The following MEIS2 variants were observed in gnomAD, a reference collection of about 807,000 sequenced individuals.
The protein encoded by MEIS2 is Meis homeobox 2, also known as homeobox protein Meis2.
MEIS2 carries 9 observed loss-of-function variants against 58.6 expected under a neutral mutation model. That is an observed-to-expected ratio of 0.15 (90% CI 0.09 to 0.27). MEIS2 has a LOEUF of 0.27. Among genes scored for constraint, MEIS2 ranks in the 10% least tolerant of loss-of-function variants. The probability of loss-of-function intolerance (pLI) is 1.00; values close to 1 mark genes in which losing one functional copy is unlikely to be tolerated. For synonymous variants in MEIS2, 221 were observed against 228.4 expected, an observed-to-expected ratio of 0.97 and a Z score of 0.29; for missense variants, 427 against 635.0, an observed-to-expected ratio of 0.67 and a Z score of 3.52.
intron 1 of MEIS2, 179 bp from the exon 2 acceptor site, chr15:37,098,378 G>T (rs1443459585): frequency 1.9e-5 from 21 of 1,103,182 alleles, no homozygotes; most frequent in Non-Finnish European, 2.2e-5. Context: ...GGAGGAGAGG[G>T]GGAGAGAGAG....
chr15:37,019,534 A>G (rs1434416005), intron 8 of MEIS2, among the ~76,000 whole-genome samples: 2 of 152,232 alleles, frequency 1.3e-5, no homozygotes, highest in Non-Finnish European at 2.9e-5. Context: ...CACTTCTTCA[A>G]TTAAATTGCA....
intron 8 of MEIS2, among the ~76,000 whole-genome samples, chr15:37,029,106 C>A (rs1204296922): frequency 6.6e-6 from 1 of 152,132 alleles, no homozygotes; most frequent in Non-Finnish European, 1.5e-5. Context: ...GTATAAGATT[C>A]CATTCAAATA....
intron 10 of MEIS2, 93 bp from the exon 11 acceptor site, chr15:36,895,354 A>G: frequency 9.2e-7 from 1 of 1,084,796 alleles, no homozygotes; most frequent in Non-Finnish European, 1.4e-6. Flanking sequence ...GAAACGTTAT[A>G]GCAACAATGT....
rs763504614 is a variant in MEIS2, at chr15:37,083,821, G to A, written c.704C>T (p.Pro235Leu). The stretch of plus-strand genomic sequence containing the variant: ...CTGGGAAGCATGGCCCCCACTGGAG[G>A]GCCCTGGGGTGCCTGCTGAGTGGGT... ...TSTHSAGTPG[P>L]SSGGHASQSG... Residue 235 changes from proline (P) to leucine (L), a missense_variant, in exon 7 of 12, where the codon CCC (proline) becomes CTC (leucine). By Grantham distance (98) the Pro-to-Leu change is moderately conservative. Coordinates refer to ENST00000561208, the MANE Select transcript of MEIS2 (RefSeq NM_170675.5). The A allele has an allele frequency of 1.2e-6, 2 of 1,614,014 alleles. No individual in the cohort carries two copies. The highest frequency in any genetic ancestry group is 8.5e-7 in the Non-Finnish European group (1 of 1,179,942).
At chr15:36,958,996 A>AT (rs1370945635) in intron 8 of MEIS2, among the ~76,000 whole-genome samples, 1 of 152,174 alleles carries the variant, frequency 6.6e-6, no homozygotes, top group Non-Finnish European at 1.5e-5. Context: ...GGCTATTTAG[A>AT]TTTTTCAGTG....
intron 7 of MEIS2, among the ~76,000 whole-genome samples, chr15:37,048,024 C>T (rs1233642185): frequency 6.6e-6 from 1 of 152,120 alleles, no homozygotes; most frequent in East Asian, 1.9e-4. Context: ...CTGAAGTGGA[C>T]TATTTTTAGC....
At chr15:36,908,959 TAAC>T (rs954022315) in intron 9 of MEIS2, among the ~76,000 whole-genome samples, 2 of 151,926 alleles carry the variant, frequency 1.3e-5, no homozygotes, top group Non-Finnish European at 2.9e-5. Context: ...ATAATAATAA[TAAC>T]AAAACAACAA....
At chr15:36,909,833 G>A in intron 9 of MEIS2, among the ~76,000 whole-genome samples, 1 of 126,442 alleles carries the variant, frequency 7.9e-6, no homozygotes, top group African/African-American at 3.0e-5. Context: ...TCAATGAGGT[G>A]TTATGAGTGT....
chr15:37,036,642 C>T, intron 8 of MEIS2, 172 bp downstream of exon 8: 1 of 609,344 alleles, frequency 1.6e-6, no homozygotes, highest in Non-Finnish European at 2.6e-6. Flanking sequence ...AGAGGGTGCT[C>T]TTTGGATGGT....
chr15:37,001,251 T>C (rs2060717434), intron 8 of MEIS2, among the ~76,000 whole-genome samples: 1 of 152,110 alleles, frequency 6.6e-6, no homozygotes, highest in African/African-American at 2.4e-5. Context: ...TTCCTAAGTA[T>C]ACTTTCCCAA....
intron 6 of MEIS2, among the ~76,000 whole-genome samples, chr15:37,091,645 A>C (rs1452901903): frequency 1.3e-5 from 2 of 152,198 alleles, no homozygotes; most frequent in African/African-American, 4.8e-5. Flanking sequence ...GGATATTTAA[A>C]TATTACAATA....
chr15:36,928,938 A>C (rs2141323108), intron 9 of MEIS2, among the ~76,000 whole-genome samples: 1 of 152,352 alleles, frequency 6.6e-6, no homozygotes, highest in African/African-American at 2.4e-5. Flanking sequence ...AAAAGAAAGA[A>C]GGGAAAGAAA....
At chr15:36,907,232 C>T (rs1430841748) in intron 9 of MEIS2, among the ~76,000 whole-genome samples, 4 of 152,168 alleles carry the variant, frequency 2.6e-5, no homozygotes, top group African/African-American at 4.8e-5. Context: ...TTAAAAGGGC[C>T]TCCATTAAGT....
chr15:37,073,072 A>T (rs1890923478), intron 7 of MEIS2, among the ~76,000 whole-genome samples: 1 of 152,086 alleles, frequency 6.6e-6, no homozygotes, highest in Non-Finnish European at 1.5e-5. Flanking sequence ...ACAGTACTTG[A>T]CACAATTATA....
At chr15:36,940,319 C>A (rs531728783) in intron 9 of MEIS2, among the ~76,000 whole-genome samples, 1 of 152,170 alleles carries the variant, frequency 6.6e-6, no homozygotes, top group Non-Finnish European at 1.5e-5. Context: ...TACTTAAACC[C>A]CCTGCTCATT....
chr15:36,930,397 A>G (rs759618468), intron 9 of MEIS2, among the ~76,000 whole-genome samples: 1 of 152,112 alleles, frequency 6.6e-6, no homozygotes, highest in Non-Finnish European at 1.5e-5. Context: ...TGAGGCTGGC[A>G]AGGGTCACTA....
At chr15:37,008,293 C>T (rs1273876111) in intron 8 of MEIS2, among the ~76,000 whole-genome samples, 1 of 152,072 alleles carries the variant, frequency 6.6e-6, no homozygotes, top group Non-Finnish European at 1.5e-5. Flanking sequence ...TTTAATAAAC[C>T]CAATGTTTTT....
chr15:37,085,389 A>C (rs1049812602), intron 6 of MEIS2, among the ~76,000 whole-genome samples: 1 of 152,232 alleles, frequency 6.6e-6, no homozygotes, highest in Non-Finnish European at 1.5e-5. Flanking sequence ...TACAGTGTAC[A>C]TATAGCATGG....
intron 9 of MEIS2, among the ~76,000 whole-genome samples, chr15:36,907,400 G>T (rs1262724629): frequency 6.6e-6 from 1 of 152,260 alleles, no homozygotes; most frequent in Non-Finnish European, 1.5e-5. Context: ...CCAACACACC[G>T]GCAATCTAAA....
Sources: allele counts gnomAD v4.1 joint callset (sites outside exome capture counted in the v4.1 genomes callset), GRCh38; gene constraint gnomAD v4.1.1; transcripts MANE v1.5; gene names NCBI Gene and HGNC (gene_info 2026-07-23, HGNC 2026-07-21).